Variants in NBEA observed in about 807,000 individuals in gnomAD.
The protein encoded by NBEA is lysosomal-trafficking regulator 2.
A neutral mutation model predicts 343.4 loss-of-function variants in NBEA; 44 were observed. The observed-to-expected ratio is 0.13, with a 90% CI of 0.10 to 0.16. The LOEUF (loss-of-function observed/expected upper bound fraction) is 0.16. Ranked by LOEUF, NBEA falls within the 10% of genes least tolerant of loss-of-function variation. NBEA has a pLI of 1.00. For synonymous variants in NBEA, 1,175 were observed against 1,238.7 expected, an observed-to-expected ratio of 0.95 and a Z score of 1.08; for missense variants, 2,555 against 3,631.3, an observed-to-expected ratio of 0.70 and a Z score of 7.62.
At chr13:35,180,413 C>T (rs1008328658) in intron 28 of NBEA, among the ~76,000 whole-genome samples, 5 of 151,640 alleles carry the variant, frequency 3.3e-5, no homozygotes, top group Non-Finnish European at 7.4e-5. Flanking sequence ...TTGAATAGAG[C>T]TCTCAAGGTT....
At chr13:35,231,175 G>T (rs748909928) in intron 33 of NBEA, among the ~76,000 whole-genome samples, 1 of 152,054 alleles carries the variant, frequency 6.6e-6, no homozygotes, top group Non-Finnish European at 1.5e-5. Flanking sequence ...GTTGACACGG[G>T]TAAGAGGAGA....
intron 12 of NBEA, among the ~76,000 whole-genome samples, chr13:35,110,077 C>CT (rs1323218062): frequency 1.0e-5 from 1 of 98,276 alleles, no homozygotes; most frequent in African/African-American, 3.9e-5. Flanking sequence ...TTATTATACT[C>CT]TAAGTTTTAG....
chr13:35,180,706 T>C (rs906830102), intron 28 of NBEA, among the ~76,000 whole-genome samples: 2 of 151,650 alleles, frequency 1.3e-5, no homozygotes, highest in African/African-American at 4.8e-5. Context: ...TTTTGGGAAA[T>C]AGTAGTATTT....
At chr13:35,389,557 A>C (rs986251574) in intron 38 of NBEA, among the ~76,000 whole-genome samples, 1 of 152,128 alleles carries the variant, frequency 6.6e-6, no homozygotes, top group Non-Finnish European at 1.5e-5. Flanking sequence ...TATTTTCTTA[A>C]AATTTTTTAA....
At chr13:35,023,632 G>T (rs2061921168) in intron 1 of NBEA, among the ~76,000 whole-genome samples, 2 of 152,090 alleles carry the variant, frequency 1.3e-5, no homozygotes, top group Admixed American at 1.3e-4. Flanking sequence ...ACATCTGTGT[G>T]TGTATGTAAA....
At chr13:35,236,443 TTTGTTTTGTTTTG>T (rs1472781130) in intron 34 of NBEA, among the ~76,000 whole-genome samples, 3 of 149,282 alleles carry the variant, frequency 2.0e-5, no homozygotes, top group Non-Finnish European at 4.5e-5. Flanking sequence ...TTTGTTTTGT[TTTGTTTTGTTTTG>T]TTTTGTTTGA....
chr13:35,171,687 A>G (rs2070475776), intron 26 of NBEA, among the ~76,000 whole-genome samples: 1 of 152,066 alleles, frequency 6.6e-6, no homozygotes, highest in Admixed American at 6.6e-5. Flanking sequence ...ATAGTTTGAA[A>G]TCAAGAGTGA....
Position 35,476,475 on chromosome 13 carries a change from T to C in NBEA, c.6585+3939T>C, listed in dbSNP as rs1055834360. 15 of 772,458 alleles carry C rather than the reference T, an allele frequency of 1.9e-5. No individual in the cohort carries two copies. In the South Asian group the frequency reaches 2.1e-4, roughly 11 times the overall value. 47.9% of individuals were successfully genotyped at this position (772,458 alleles called of 1,614,324 possible). On this transcript the variant is annotated intron_variant, in intron 41 of 58. Transcript: ENST00000379939. ...TGTGTGAGAGAACCGCATGGAGAGA[T>C]CACCTTCTCAGGAATAAAAAACAAA... is the stretch of plus-strand genomic sequence containing the variant.
At chr13:35,607,718 A>G (rs1363774136) in intron 48 of NBEA, among the ~76,000 whole-genome samples, 1 of 152,066 alleles carries the variant, frequency 6.6e-6, no homozygotes, top group African/African-American at 2.4e-5. Context: ...CTTAATTGAA[A>G]TATAATTCAT....
At chr13:35,181,334 TA>T (rs2071303600) in intron 28 of NBEA, among the ~76,000 whole-genome samples, 1 of 151,584 alleles carries the variant, frequency 6.6e-6, no homozygotes. Flanking sequence ...TAATAACTAT[TA>T]TTTTTTTATT....
chr13:35,043,653 G>T (rs557907939), intron 2 of NBEA, among the ~76,000 whole-genome samples: 1 of 151,766 alleles, frequency 6.6e-6, no homozygotes, highest in East Asian at 1.9e-4. Flanking sequence ...CATATCCACT[G>T]TCACAATTTT....
intron 45 of NBEA, among the ~76,000 whole-genome samples, chr13:35,571,828 G>T (rs1209930100): frequency 6.6e-6 from 1 of 151,902 alleles, no homozygotes; most frequent in Non-Finnish European, 1.5e-5. Context: ...AAACACTAAG[G>T]TTATATTAAA....
chr13:35,073,783 A>T (rs1397600828), intron 10 of NBEA, among the ~76,000 whole-genome samples: 2 of 152,082 alleles, frequency 1.3e-5, no homozygotes, highest in Admixed American at 6.6e-5. Context: ...CTACAAAAAA[A>T]TAGAAGAAGT....
intron 8 of NBEA, among the ~76,000 whole-genome samples, chr13:35,066,216 C>T (rs554641983): frequency 2.0e-5 from 3 of 152,218 alleles, no homozygotes; most frequent in African/African-American, 7.2e-5. Flanking sequence ...CTACCTCAGC[C>T]TCCCAAAGTG....
intron 16 of NBEA, among the ~76,000 whole-genome samples, chr13:35,121,483 G>GTTT (rs111380752): frequency 8.5e-5 from 12 of 141,216 alleles, no homozygotes; most frequent in African/African-American, 3.1e-4. Flanking sequence ...TCTTGAATGT[G>GTTT]TTTTTTTTTT....
At chr13:34,977,977 A>C (rs2060236222) in intron 1 of NBEA, among the ~76,000 whole-genome samples, 1 of 152,054 alleles carries the variant, frequency 6.6e-6, no homozygotes, top group South Asian at 2.1e-4. Flanking sequence ...TTGATTAAAA[A>C]AATTTTTTTT....
chr13:34,977,154 G>C (rs1290003950), intron 1 of NBEA, among the ~76,000 whole-genome samples: 1 of 151,816 alleles, frequency 6.6e-6, no homozygotes, highest in African/African-American at 2.4e-5. Flanking sequence ...TGGTCAGGCT[G>C]GTCTCGAACT....
chr13:35,148,072 A>G (rs186839363), intron 18 of NBEA, among the ~76,000 whole-genome samples: 2 of 152,264 alleles, frequency 1.3e-5, no homozygotes, highest in East Asian at 3.9e-4. Flanking sequence ...TCATAAAGAT[A>G]ATACTGGTGG....
At chr13:35,462,630 A>T (rs551761765) in intron 40 of NBEA, among the ~76,000 whole-genome samples, 3 of 152,208 alleles carry the variant, frequency 2.0e-5, no homozygotes, top group Non-Finnish European at 4.4e-5. Context: ...GAATTTTTTT[A>T]AAAAAATCAC....
Sources: gnomAD v4.1 joint callset for allele counts (sites outside exome capture counted in the v4.1 genomes callset) on GRCh38, gnomAD v4.1.1 for gene constraint, MANE v1.5 for transcripts, NCBI Gene and HGNC (gene_info 2026-07-23, HGNC 2026-07-21) for gene names.